The following PLCB4 variants were observed in gnomAD, a reference collection of about 807,000 sequenced individuals.
PLCB4 encodes the protein phospholipase C beta 4.
Under a neutral mutation model 178.8 loss-of-function variants are expected in PLCB4, and 77 were observed. The ratio of observed to expected loss-of-function variants is 0.43; its 90% CI spans 0.36 to 0.52. The LOEUF (loss-of-function observed/expected upper bound fraction) is 0.52. Ranked by LOEUF, PLCB4 falls within the 20% of genes least tolerant of loss-of-function variation. The pLI is 0.00. For missense variants in PLCB4, 1,024 were observed against 1,453.4 expected (o/e 0.70, Z 4.80); for synonymous variants, 496 against 490.8 (o/e 1.01, Z -0.14).
Position 9,241,204 on chromosome 20 carries a change from A to C in PLCB4, c.-16+23752A>C, listed in dbSNP as rs568536988. Reference sequence around the variant, plus strand: ...AGGCTTCTCTGATTTCTTTGTTACCAGTAATGATTTTATGGCTGGGGTAAA... The same window carrying C: ...AGGCTTCTCTGATTTCTTTGTTACCCGTAATGATTTTATGGCTGGGGTAAA... On this transcript the variant is annotated intron_variant, in intron 3 of 39. Coordinates refer to ENST00000378473, the MANE Select transcript of PLCB4 (RefSeq NM_001377142.1). Among the ~76,000 whole-genome samples, 21 of 152,278 alleles carry C rather than the reference A, an allele frequency of 1.4e-4. No individual in the cohort carries two copies. The South Asian group carries it at 2.5e-3, about 18-fold the overall frequency.
chr20:9,262,823 ACT>A (rs1268081354), intron 3 of PLCB4, among the ~76,000 whole-genome samples: 5 of 152,106 alleles, frequency 3.3e-5, no homozygotes, highest in Non-Finnish European at 7.3e-5. Flanking sequence ...ATTTGCAGGC[ACT>A]CTCTCAAGCT....
chr20:9,147,997 T>G (rs554850947), intron 2 of PLCB4, among the ~76,000 whole-genome samples: 3 of 152,188 alleles, frequency 2.0e-5, no homozygotes, highest in Non-Finnish European at 4.4e-5. Context: ...CTTTTGATAC[T>G]GATAAGCAGC....
In PLCB4 at chr20:9,459,801, C is replaced by G; in HGVS notation, c.3239C>G (p.Ser1080Cys). The change falls in exon 35 of 40, where the codon TCC (serine) becomes TGC (cysteine). Residue 1080 changes from serine (S) to cysteine (C), a missense_variant. This residue lies in a region of PLCB4 where 264 missense variants were observed against 283.2 expected (regional missense o/e 0.93). Transcript: ENST00000378473. Reference protein sequence around the residue: ...HEQQTQQLKLSHDRESKEMRA... With the variant: ...HEQQTQQLKLCHDRESKEMRA... ...CAGCAAACCCAGCAGCTGAAACTGT[C>G]CCATGACAGGTGGGGGAATTGCCGT... 1 of 1,599,852 alleles carries G rather than the reference C, an allele frequency of 6.3e-7. No individual in the cohort carries two copies. The highest frequency in any genetic ancestry group is 8.6e-7 in the Non-Finnish European group (1 of 1,168,496).
intron 3 of PLCB4, among the ~76,000 whole-genome samples, chr20:9,222,391 C>A (rs532511359): frequency 1.7e-4 from 26 of 152,198 alleles, no homozygotes; most frequent in African/African-American, 5.8e-4. Context: ...CTGTGCCCAG[C>A]CCTCTTGGGT....
At position 9,322,122 on chromosome 20, in the gene PLCB4, T is replaced by C. The variant is rs866156118; in HGVS notation, c.84+14224T>C. Among the ~76,000 whole-genome samples, 30 of 144,244 alleles carry C rather than the reference T, an allele frequency of 2.1e-4. No individual in the cohort carries two copies. The South Asian group carries it at 6.7e-3, about 32-fold the overall frequency. 94.6% of individuals were successfully genotyped at this position (144,244 alleles called of 152,430 possible). A position where few individuals can be genotyped will look rare whatever the true frequency, so the allele number is the denominator to read the frequency against. ...AGAGCCACCACACCCAGGTAATTTT[T>C]TTTTTTTTTTTTTTTTTGTAGAGAC... is the stretch of plus-strand genomic sequence containing the variant. On this transcript the variant is annotated intron_variant, in intron 4 of 39. Coordinates refer to ENST00000378473, the MANE Select transcript of PLCB4 (RefSeq NM_001377142.1).
rs71184136 is a variant in PLCB4 at position 9,191,345 on chromosome 20, ATTTTTTTTTTTTTTTTTTTT to A, written c.-78-26036_-78-26017del. Among the ~76,000 whole-genome samples the A allele has an allele frequency of 8.0e-4, 47 of 58,866 alleles. No individual in the cohort carries two copies. The South Asian group carries it at 0.012, about 15-fold the overall frequency. The allele number at this position is 58,866 out of a possible 152,430, so 38.6% of individuals were successfully genotyped here. On this transcript the variant is annotated intron_variant, in intron 2 of 39. Coordinates refer to ENST00000378473, the MANE Select transcript of PLCB4 (RefSeq NM_001377142.1). ...AAGGGCTGGAGGGAACTAGATAGGC[ATTTTTTTTTTTTTTTTTTTT>A]TTTTTTTTGCTTTCCACCGTGTAGG...
chr20:9,216,576 T>C (rs1245244818), intron 2 of PLCB4, among the ~76,000 whole-genome samples: 1 of 152,136 alleles, frequency 6.6e-6, no homozygotes, highest in Non-Finnish European at 1.5e-5. Context: ...CTTTGCTCAC[T>C]GCAACCTCTG....
Position 9,479,752 on chromosome 20 carries a change from C to T in PLCB4, c.*743C>T, listed in dbSNP as rs1423766149. 6.6e-6 allele frequency: 1 copy of T among 152,572 alleles called. No homozygotes were observed. The allele number at this position is 152,572 out of a possible 1,614,324, so 9.5% of individuals were successfully genotyped here. ...AGATTGTGAAGTGGTTATTGGCAAA[C>T]GTTTGTAAATGTGACCATGTATAAA... On this transcript the variant is annotated 3_prime_UTR_variant, in exon 40 of 40. Coordinates refer to ENST00000378473, the MANE Select transcript of PLCB4 (RefSeq NM_001377142.1).
intron 3 of PLCB4, among the ~76,000 whole-genome samples, chr20:9,236,385 T>C (rs1446577961): frequency 6.6e-6 from 1 of 152,218 alleles, no homozygotes; most frequent in Admixed American, 6.5e-5. Flanking sequence ...CTGGTAATTA[T>C]GTAATGATAT....
At chr20:9,430,144 C>T (rs1400094483) in intron 28 of PLCB4, among the ~76,000 whole-genome samples, 1 of 152,118 alleles carries the variant, frequency 6.6e-6, no homozygotes, top group East Asian at 1.9e-4. Flanking sequence ...GGAAAGTTTA[C>T]AAATTCGTGT....
intron 3 of PLCB4, among the ~76,000 whole-genome samples, chr20:9,294,089 C>T (rs763826071): frequency 1.4e-4 from 21 of 152,102 alleles, no homozygotes; most frequent in Non-Finnish European, 2.5e-4. Context: ...GCTCATTTGT[C>T]AATTGCAGTT....
chr20:9,289,028 G>T (rs954075406), intron 3 of PLCB4, among the ~76,000 whole-genome samples: 1 of 151,984 alleles, frequency 6.6e-6, no homozygotes, highest in Non-Finnish European at 1.5e-5. Context: ...TTAATTTAGT[G>T]ACAGTAGATA....
chr20:9,414,976 C>G (rs979827597), intron 25 of PLCB4, among the ~76,000 whole-genome samples: 6 of 152,128 alleles, frequency 3.9e-5, no homozygotes, highest in Non-Finnish European at 1.5e-5. Flanking sequence ...AACCACCAAA[C>G]CCAACATGTA....
intron 2 of PLCB4, among the ~76,000 whole-genome samples, chr20:9,198,181 T>C (rs527286898): frequency 6.6e-6 from 1 of 152,322 alleles, no homozygotes; most frequent in South Asian, 2.1e-4. Flanking sequence ...ACTTAGCTTT[T>C]TCTTAACTTT....
chr20:9,093,516 G>A (rs2090771910), intron 1 of PLCB4, among the ~76,000 whole-genome samples: 1 of 152,052 alleles, frequency 6.6e-6, no homozygotes, highest in South Asian at 2.1e-4. Flanking sequence ...GATTGTTTTA[G>A]GCCAGGAAAG....
chr20:9,325,700 T>C (rs901282204), intron 4 of PLCB4, among the ~76,000 whole-genome samples: 3 of 152,210 alleles, frequency 2.0e-5, no homozygotes, highest in African/African-American at 7.2e-5. Context: ...TAGCTATTAG[T>C]GACCATAAAG....
chr20:9,217,900 G>A (rs1245104830), intron 3 of PLCB4, among the ~76,000 whole-genome samples: 2 of 152,048 alleles, frequency 1.3e-5, no homozygotes, highest in Admixed American at 1.3e-4. Flanking sequence ...GAACTACCAG[G>A]GGATGATGTA....
chr20:9,181,316 G>A (rs1482024067), intron 2 of PLCB4, among the ~76,000 whole-genome samples: 1 of 152,144 alleles, frequency 6.6e-6, no homozygotes, highest in Non-Finnish European at 1.5e-5. Context: ...GTTTTTGCTT[G>A]CCATATTGAT....
At chr20:9,240,651 A>G (rs547652721) in intron 3 of PLCB4, among the ~76,000 whole-genome samples, 1 of 152,256 alleles carries the variant, frequency 6.6e-6, no homozygotes, top group East Asian at 1.9e-4. Context: ...TCTGGTCTGT[A>G]GCATTCCCTG....
Sources: gnomAD v4.1 joint callset for allele counts (sites outside exome capture counted in the v4.1 genomes callset) on GRCh38, gnomAD v4.1.1 for gene constraint, gnomAD v4.1.1 regional missense constraint, MANE v1.5 for transcripts, NCBI Gene and HGNC (gene_info 2026-07-23, HGNC 2026-07-21) for gene names.